The following TDP2 variants were observed in gnomAD, a reference collection of about 807,000 sequenced individuals.
TDP2 encodes the protein 5'-Tyr-DNA phosphodiesterase.
TDP2 carries 38 observed loss-of-function variants against 42.8 expected under a neutral mutation model. The ratio of observed to expected loss-of-function variants is 0.89; its 90% CI spans 0.68 to 1.16. The LOEUF (loss-of-function observed/expected upper bound fraction) is 1.16, where lower values mean the gene tolerates loss of function less well. Among genes scored for constraint, TDP2 ranks in the 50% most tolerant of loss-of-function variants. TDP2 has a pLI of 0.00. For synonymous variants in TDP2, 173 were observed against 150.6 expected, an observed-to-expected ratio of 1.15 and a Z score of -1.09; for missense variants, 439 against 439.3, an observed-to-expected ratio of 1.00 and a Z score of 0.01.
chr6:24,650,627 T>C lies in TDP2; in HGVS notation c.*161A>G, dbSNP rs1777956358. On this transcript the variant is annotated 3_prime_UTR_variant, in exon 7 of 7. Transcript: ENST00000378198. The stretch of plus-strand genomic sequence containing the variant: ...GGAATGTGTTCGTTTAAATAAACAT[T>C]AATCTTTAATGTTGAATTCTGAAAA... 1 of 704,192 alleles carries C rather than the reference T, an allele frequency of 1.4e-6. No homozygotes were observed. The highest frequency in any genetic ancestry group is 2.3e-6 in the Non-Finnish European group (1 of 433,428). 43.6% of individuals were successfully genotyped at this position (704,192 alleles called of 1,614,324 possible).
chr6:24,665,136 A>G (rs528337107), intron 2 of TDP2, among the ~76,000 whole-genome samples: 3 of 152,280 alleles, frequency 2.0e-5, no homozygotes, highest in Admixed American at 6.5e-5. Flanking sequence ...CTTTCTCTCA[A>G]TCCTACACTT....
chr6:24,666,148 T>G (rs758161626), intron 2 of TDP2: 1 of 1,550,572 alleles, frequency 6.4e-7, no homozygotes, highest in South Asian at 1.2e-5. Context: ...GCCTAGGGCC[T>G]AGAATAAATA....
At chr6:24,658,966 C>A in intron 2 of TDP2, 1 of 417,996 alleles carries the variant, frequency 2.4e-6, no homozygotes, top group Non-Finnish European at 4.3e-6. Flanking sequence ...ATCCCATAGC[C>A]CTATATACTG....
At chr6:24,657,791 T>C (rs1778080281) in intron 4 of TDP2, 21 bp downstream of exon 4, 1 of 1,406,740 alleles carries the variant, frequency 7.1e-7, no homozygotes, top group Non-Finnish European at 9.8e-7. Context: ...AAAAGACAAG[T>C]TGAATAACAA....
At chr6:24,651,733 T>G (rs891449907) in intron 6 of TDP2, among the ~76,000 whole-genome samples, 1 of 152,106 alleles carries the variant, frequency 6.6e-6, no homozygotes, top group Non-Finnish European at 1.5e-5. Context: ...ATCACAGGCA[T>G]GTGCCACAAT....
chr6:24,663,379 G>A (rs1480425418), intron 2 of TDP2, among the ~76,000 whole-genome samples: 1 of 152,170 alleles, frequency 6.6e-6, no homozygotes, highest in Admixed American at 6.5e-5. Flanking sequence ...AAATAGCACA[G>A]GTGGACTTAT....
chr6:24,666,405 C>T (rs1267103599), intron 2 of TDP2, 121 bp downstream of exon 2: 2 of 1,426,208 alleles, frequency 1.4e-6, no homozygotes, highest in Non-Finnish European at 1.9e-6. Context: ...TCTGGCTACG[C>T]AGCTTGGAGA....
At chr6:24,664,120 A>G (rs1037309150) in intron 2 of TDP2, among the ~76,000 whole-genome samples, 1 of 152,180 alleles carries the variant, frequency 6.6e-6, no homozygotes, top group African/African-American at 2.4e-5. Flanking sequence ...GTGTTAGGCC[A>G]GTGCTCCTCA....
chr6:24,666,255 C>T, intron 2 of TDP2: 2 of 1,542,950 alleles, frequency 1.3e-6, no homozygotes, highest in East Asian at 2.4e-5. Context: ...TACTTATTTC[C>T]TTTCATTTGA....
chr6:24,665,936 A>T, intron 2 of TDP2: 1 of 667,720 alleles, frequency 1.5e-6, no homozygotes, highest in Non-Finnish European at 2.2e-6. Flanking sequence ...GGAGAAAATG[A>T]CCCGTTGGAA....
intron 2 of TDP2, chr6:24,659,154 A>T (rs1221726583): frequency 6.4e-6 from 1 of 156,066 alleles, no homozygotes; most frequent in Non-Finnish European, 1.4e-5. Context: ...CAGTTTCTTC[A>T]TCTCTAGATC....
chr6:24,656,365 G>T (rs1477441523), intron 4 of TDP2, among the ~76,000 whole-genome samples: 1 of 151,968 alleles, frequency 6.6e-6, no homozygotes. Flanking sequence ...TCAGAAAAAT[G>T]GGAGAGTAAA....
intron 5 of TDP2, 129 bp from the exon 6 acceptor site, chr6:24,653,282 T>C (rs1778002844): frequency 1.1e-6 from 1 of 938,738 alleles, no homozygotes; most frequent in Non-Finnish European, 1.6e-6. Context: ...ATCAGCACTA[T>C]GCCTATCCCT....
chr6:24,664,399 G>T (rs7745192), intron 2 of TDP2, among the ~76,000 whole-genome samples: 2,198 of 147,722 alleles, frequency 0.015, 31 homozygotes, highest in Non-Finnish European at 0.021. Flanking sequence ...AGAATCTCTG[G>T]TTTTTTTTTT....
At chr6:24,652,551 A>C (rs1256196085) in intron 6 of TDP2, among the ~76,000 whole-genome samples, 5 of 152,206 alleles carry the variant, frequency 3.3e-5, no homozygotes, top group African/African-American at 7.2e-5. Context: ...AAAAAAGGCT[A>C]ATAAAAGCCA....
intron 2 of TDP2, among the ~76,000 whole-genome samples, chr6:24,660,263 GCAC>G (rs1182882795): frequency 3.9e-5 from 6 of 152,162 alleles, no homozygotes; most frequent in African/African-American, 7.2e-5. Context: ...ATACAGTTAT[GCAC>G]CACATTTGGA....
intron 5 of TDP2, among the ~76,000 whole-genome samples, chr6:24,653,362 C>G (rs1778003818): frequency 6.6e-6 from 1 of 152,142 alleles, no homozygotes; most frequent in Admixed American, 6.5e-5. Flanking sequence ...CACGACCTAC[C>G]CCCAGATGTC....
chr6:24,666,780 A>C lies in TDP2; in HGVS notation c.83T>G (p.Leu28Arg), dbSNP rs765307607. Reference protein sequence around the residue: ...GEPEVKKRRLLCVEFASVASC... With the variant: ...GEPEVKKRRLRCVEFASVASC... ...TGCGACCGAGGCAAACTCCACACAC[A>C]GAAGTCGCCGCTTTTTCACCTCAGG... The change falls in exon 1 of 7, where the codon CTG (leucine) becomes CGG (arginine). Residue 28 changes from leucine to arginine, a missense_variant. Transcript: ENST00000378198. The C allele has an allele frequency of 1.2e-6, 2 of 1,614,240 alleles. No homozygotes were observed. Among genetic ancestry groups the C allele is most frequent in the Non-Finnish European group, 1.7e-6 (2 of 1,180,042 alleles).
chr6:24,651,759 G>C (rs752903842), intron 6 of TDP2, among the ~76,000 whole-genome samples: 2 of 152,052 alleles, frequency 1.3e-5, no homozygotes, highest in African/African-American at 2.4e-5. Flanking sequence ...GCTAATTTCT[G>C]TATTTTTAGT....
Sources: allele counts gnomAD v4.1 joint callset (sites outside exome capture counted in the v4.1 genomes callset), GRCh38; gene constraint gnomAD v4.1.1; transcripts MANE v1.5; gene names NCBI Gene and HGNC (gene_info 2026-07-23, HGNC 2026-07-21).